The following ERGIC2 variants were observed in gnomAD, a reference collection of about 807,000 sequenced individuals.
ERGIC2 encodes the protein ERGIC and golgi 2, also known as endoplasmic reticulum-Golgi intermediate compartment protein 2.
Under a neutral mutation model 52.5 loss-of-function variants are expected in ERGIC2, and 31 were observed. That is an observed-to-expected ratio of 0.59 (90% confidence interval 0.44 to 0.80). ERGIC2 has a LOEUF of 0.80. ERGIC2 is among the 30% of genes least tolerant of loss of function. ERGIC2 has a pLI of 0.00. For missense variants in ERGIC2, 395 were observed against 455.2 expected (o/e 0.87, Z 1.20); for synonymous variants, 129 against 140.6 (o/e 0.92, Z 0.58).
chr12:29,375,556 A>C (rs2136883291), intron 1 of ERGIC2, among the ~76,000 whole-genome samples: 1 of 152,358 alleles, frequency 6.6e-6, no homozygotes, highest in Admixed American at 6.5e-5. Context: ...ACTGTTAAAC[A>C]AATGAATAAA....
chr12:29,356,107 C>T (rs1328023081), intron 8 of ERGIC2, among the ~76,000 whole-genome samples: 7 of 151,992 alleles, frequency 4.6e-5, no homozygotes, highest in South Asian at 2.1e-4. Flanking sequence ...CTACAACCTC[C>T]GCCTCCTGGG....
intron 5 of ERGIC2, among the ~76,000 whole-genome samples, chr12:29,362,378 C>A (rs1020539364): frequency 6.6e-6 from 1 of 152,084 alleles, no homozygotes; most frequent in African/African-American, 2.4e-5. Flanking sequence ...GAGTTCAAGA[C>A]CAGCCTGGGC....
chr12:29,367,093 T>C, intron 4 of ERGIC2, 146 bp from the exon 5 acceptor site: 1 of 466,876 alleles, frequency 2.1e-6, no homozygotes. Context: ...TAATTTCCGA[T>C]ATATTTGTCC....
chr12:29,376,834 T>G (rs2136884556), intron 1 of ERGIC2, among the ~76,000 whole-genome samples: 1 of 152,316 alleles, frequency 6.6e-6, no homozygotes, highest in South Asian at 2.1e-4. Flanking sequence ...TGACAAAATT[T>G]TCTAGTCATG....
chr12:29,374,887 C>A (rs1172134652), intron 1 of ERGIC2, among the ~76,000 whole-genome samples: 1 of 152,058 alleles, frequency 6.6e-6, no homozygotes, highest in Non-Finnish European at 1.5e-5. Context: ...CTTTTTAATA[C>A]ATAAATCTGA....
Position 29,350,085 on chromosome 12 carries a change from C to A in ERGIC2, c.573-17G>T. On this transcript the variant is annotated splice_polypyrimidine_tract_variant and intron_variant, in intron 8 of 13. Transcript: ENST00000360150. ...GGAATTGCCCTGAAAGGAGAAAAAA[C>A]AATTATTAAAGTAGTACCATTTATA... 6.5e-7 allele frequency: 1 copy of A among 1,537,430 alleles called. No homozygotes were observed.
rs1949811263 is a variant in ERGIC2 at position 29,338,273 on chromosome 12, T to A, written c.*2883A>T. On this transcript the variant is annotated 3_prime_UTR_variant, in exon 14 of 14. Coordinates refer to ENST00000360150, the MANE Select transcript of ERGIC2 (RefSeq NM_016570.3). ...TAAATCTTGTTTGCATTAGTAAATT[T>A]TTAATTATAAAAATTCAATGCTATC... The A allele has an allele frequency of 6.6e-6, 1 of 152,130 alleles. No homozygotes were observed. Among genetic ancestry groups the A allele is most frequent in the Non-Finnish European group, 1.5e-5 (1 of 68,036 alleles). The allele number at this position is 152,130 out of a possible 1,614,324, so 9.4% of individuals were successfully genotyped here. A position where few individuals can be genotyped will look rare whatever the true frequency, so the allele number is the denominator to read the frequency against.
At chr12:29,343,369 T>C in intron 11 of ERGIC2, 87 bp from the exon 12 acceptor site, 2 of 1,059,840 alleles carry the variant, frequency 1.9e-6, no homozygotes, top group South Asian at 3.9e-5. Flanking sequence ...ACATTCAATA[T>C]TAAGCCCTGA....
intron 3 of ERGIC2, 32 bp downstream of exon 3, chr12:29,370,081 TA>T: frequency 6.8e-7 from 1 of 1,474,610 alleles, no homozygotes; most frequent in South Asian, 1.4e-5. Flanking sequence ...AATTTGAATC[TA>T]AAGGTATTCC....
At chr12:29,354,346 G>A (rs146575911) in intron 8 of ERGIC2, among the ~76,000 whole-genome samples, 648 of 152,256 alleles carry the variant, frequency 4.3e-3, no homozygotes, top group Middle Eastern at 0.01. Context: ...CAACGGAAAT[G>A]TCACTCATGA....
At chr12:29,359,991 GA>G (rs140186953) in intron 6 of ERGIC2, among the ~76,000 whole-genome samples, 4,097 of 151,680 alleles carry the variant, frequency 0.027, 77 homozygotes, top group Non-Finnish European at 0.041. Flanking sequence ...TACAAATAAG[GA>G]AAAAAACCTC....
chr12:29,347,876 G>T (rs767111144), intron 10 of ERGIC2, among the ~76,000 whole-genome samples: 1 of 152,074 alleles, frequency 6.6e-6, no homozygotes, highest in South Asian at 2.1e-4. Flanking sequence ...TAGTTTCTCT[G>T]AATTTATAAA....
At chr12:29,353,935 G>C (rs1940168922) in intron 8 of ERGIC2, among the ~76,000 whole-genome samples, 1 of 152,124 alleles carries the variant, frequency 6.6e-6, no homozygotes, top group Non-Finnish European at 1.5e-5. Context: ...TACCCTATCA[G>C]ACAAGAATCT....
chr12:29,349,465 A>G (rs1329517992), intron 9 of ERGIC2, among the ~76,000 whole-genome samples: 3 of 152,008 alleles, frequency 2.0e-5, no homozygotes, highest in Non-Finnish European at 4.4e-5. Flanking sequence ...AAAAATATAC[A>G]TCTTTCCTTT....
rs755298223 is a variant in ERGIC2, at chr12:29,371,511, T to C, written c.106+17A>G. 2.6e-6 allele frequency: 4 copies of C among 1,526,498 alleles called. No homozygotes were observed. The highest frequency in any genetic ancestry group is 3.9e-5 in the Admixed American group (2 of 51,900). The allele number at this position is 1,526,498 out of a possible 1,614,324, so 94.6% of individuals were successfully genotyped here. On this transcript the variant is annotated intron_variant, in intron 2 of 13. Coordinates refer to ENST00000360150, the MANE Select transcript of ERGIC2 (RefSeq NM_016570.3). ...GTTGTACTTACTACAGAACTTTTAA[T>C]GTTAACTGATACTCACCTGTACCTC...
At chr12:29,342,507 A>C (rs867071822) in intron 12 of ERGIC2, among the ~76,000 whole-genome samples, 1 of 152,236 alleles carries the variant, frequency 6.6e-6, no homozygotes, top group African/African-American at 2.4e-5. Context: ...ATAAGGACTG[A>C]AGATGAAAAT....
chr12:29,345,030 C>A (rs1176345567), intron 11 of ERGIC2, among the ~76,000 whole-genome samples: 1 of 152,084 alleles, frequency 6.6e-6, no homozygotes, highest in Non-Finnish European at 1.5e-5. Flanking sequence ...CCATGATAAC[C>A]ATGTATGCCC....
intron 3 of ERGIC2, 33 bp downstream of exon 3, chr12:29,370,081 T>C: frequency 3.4e-6 from 5 of 1,474,612 alleles, no homozygotes; most frequent in Non-Finnish European, 3.6e-6. Flanking sequence ...AATTTGAATC[T>C]AAAGGTATTC....
rs778754104 is a variant in ERGIC2, at chr12:29,345,478, A to T, written c.790T>A (p.Ser264Thr). ...ACAGAAAACTGATGGGTGTCTGCTG[A>T]TATTTTATATGTATGTAGTTTTGTT... ...VPTKLHTYKISADTHQFSVTE... is the reference protein window; with the variant it reads ...VPTKLHTYKITADTHQFSVTE... The change falls in exon 11 of 14, where the codon TCA becomes ACA. Residue 264 changes from serine to threonine, a missense_variant. Coordinates refer to ENST00000360150, the MANE Select transcript of ERGIC2 (RefSeq NM_016570.3). 1 of 1,601,692 alleles carries T rather than the reference A, an allele frequency of 6.2e-7. No individual in the cohort carries two copies. The highest frequency in any genetic ancestry group is 1.1e-5 in the South Asian group (1 of 90,822).
Sources: allele counts gnomAD v4.1 joint callset (sites outside exome capture counted in the v4.1 genomes callset), GRCh38; gene constraint gnomAD v4.1.1; transcripts MANE v1.5; gene names NCBI Gene and HGNC (gene_info 2026-07-23, HGNC 2026-07-21).